SDK1: variants seen among roughly 807,000 people sequenced by gnomAD.
SDK1 encodes protein sidekick-1.
SDK1 carries 157 observed loss-of-function variants against 245.5 expected under a neutral mutation model. The ratio of observed to expected loss-of-function variants is 0.64; its 90% CI spans 0.56 to 0.73. The LOEUF (loss-of-function observed/expected upper bound fraction) is 0.73. SDK1 is among the 30% of genes least tolerant of loss of function. The pLI, the probability that SDK1 is intolerant of heterozygous loss-of-function variation, is 0.00. For missense variants in SDK1, 3,583 were observed against 3,002.3 expected, an observed-to-expected ratio of 1.19 and a Z score of -4.52; for synonymous variants, 1,647 against 1,278.5, an observed-to-expected ratio of 1.29 and a Z score of -6.15.
At chr7:3,606,681 A>G (rs1781435804) in intron 1 of SDK1, among the ~76,000 whole-genome samples, 1 of 152,170 alleles carries the variant, frequency 6.6e-6, no homozygotes, top group African/African-American at 2.4e-5. Context: ...TCTTACTCAG[A>G]TACCCCGTTC....
intron 1 of SDK1, among the ~76,000 whole-genome samples, chr7:3,536,182 A>C (rs985148677): frequency 3.3e-5 from 5 of 151,366 alleles, no homozygotes; most frequent in Admixed American, 3.3e-4. Flanking sequence ...TGAGCCTCCC[A>C]AGTAGCTGTG....
intron 25 of SDK1, among the ~76,000 whole-genome samples, chr7:4,126,579 G>A (rs754679198): frequency 5.9e-5 from 9 of 152,210 alleles, no homozygotes; most frequent in Non-Finnish European, 1.3e-4. Context: ...AAATCAGCCA[G>A]GCGTGGTGGC....
intron 1 of SDK1, among the ~76,000 whole-genome samples, chr7:3,306,553 T>C (rs567147571): frequency 1.6e-4 from 24 of 152,342 alleles, no homozygotes; most frequent in South Asian, 8.3e-4. Flanking sequence ...ACACATTTTA[T>C]GTAAACAGTT....
At chr7:3,597,597 T>C (rs1215019164) in intron 1 of SDK1, among the ~76,000 whole-genome samples, 2 of 152,168 alleles carry the variant, frequency 1.3e-5, no homozygotes, top group Non-Finnish European at 2.9e-5. Flanking sequence ...CCTGCTCTGT[T>C]TTGAGATTGA....
At chr7:4,237,505 G>T in intron 41 of SDK1, 142 bp from the exon 42 acceptor site, 1 of 900,040 alleles carries the variant, frequency 1.1e-6, no homozygotes. Flanking sequence ...AAGTCCACCC[G>T]CCCGGCTGGA....
chr7:3,842,854 A>T (rs957966663), intron 5 of SDK1, among the ~76,000 whole-genome samples: 127 of 152,116 alleles, frequency 8.3e-4, no homozygotes, highest in African/African-American at 2.8e-3. Flanking sequence ...CAGTGTCTCC[A>T]CAGAGTCAAG....
At chr7:4,019,046 G>T (rs530360205) in intron 17 of SDK1, among the ~76,000 whole-genome samples, 2 of 152,264 alleles carry the variant, frequency 1.3e-5, no homozygotes, top group Non-Finnish European at 2.9e-5. Context: ...AACGAATGCA[G>T]TTTCGGCCCC....
chr7:3,727,524 T>C (rs777676535), intron 4 of SDK1, among the ~76,000 whole-genome samples: 3 of 152,122 alleles, frequency 2.0e-5, no homozygotes, highest in Non-Finnish European at 4.4e-5. Flanking sequence ...GGAGCCTCGC[T>C]CTGTCACTCA....
intron 4 of SDK1, among the ~76,000 whole-genome samples, chr7:3,708,998 CTTTAT>C (rs894361356): frequency 6.6e-6 from 1 of 152,126 alleles, no homozygotes; most frequent in African/African-American, 2.4e-5. Flanking sequence ...TGCCTAGATA[CTTTAT>C]TTTATTTATT....
intron 35 of SDK1, among the ~76,000 whole-genome samples, chr7:4,194,554 C>G (rs913644578): frequency 1.3e-5 from 2 of 151,910 alleles, no homozygotes; most frequent in Admixed American, 6.6e-5. Context: ...TCTGCAAGCT[C>G]GAGGAGCAAG....
rs559175019 is a variant in SDK1, at chr7:3,795,479, T to C, written c.714-25971T>C. Among the ~76,000 whole-genome samples, 3 of 152,232 alleles carry C rather than the reference T, an allele frequency of 2.0e-5. No homozygotes were observed. In the South Asian group the frequency reaches 6.2e-4, roughly 32 times the overall value. On this transcript the variant is annotated intron_variant, in intron 4 of 44. Transcript: ENST00000404826. The stretch of plus-strand genomic sequence containing the variant: ...AAAGTGCGCTGAACTCCTTCAGAAA[T>C]GGGCTCTGAAAGGAATCTTAGTGAC...
At chr7:3,681,024 T>C in intron 4 of SDK1, among the ~76,000 whole-genome samples, 1 of 152,110 alleles carries the variant, frequency 6.6e-6, no homozygotes, top group East Asian at 1.9e-4. Flanking sequence ...GTGTATTTTT[T>C]AGTAGAGATG....
At chr7:4,079,609 C>T in intron 22 of SDK1, 25 bp downstream of exon 22, 2 of 1,613,444 alleles carry the variant, frequency 1.2e-6, no homozygotes, top group South Asian at 2.2e-5. Flanking sequence ...AGACTGGGAG[C>T]TGGCATTTGC....
At chr7:4,101,638 G>T (rs958262368) in intron 22 of SDK1, among the ~76,000 whole-genome samples, 1 of 152,186 alleles carries the variant, frequency 6.6e-6, no homozygotes, top group East Asian at 1.9e-4. Flanking sequence ...GGACGATGGT[G>T]TCGTGACCAG....
chr7:3,760,138 A>T (rs1275260288), intron 4 of SDK1, among the ~76,000 whole-genome samples: 2 of 151,996 alleles, frequency 1.3e-5, no homozygotes, highest in African/African-American at 4.8e-5. Flanking sequence ...AAATAAAGAG[A>T]TGTCTTTTTT....
chr7:4,011,786 G>A (rs1159025858), intron 15 of SDK1, among the ~76,000 whole-genome samples: 1 of 152,184 alleles, frequency 6.6e-6, no homozygotes, highest in Non-Finnish European at 1.5e-5. Context: ...GTCTGAGACG[G>A]CAGGCCGACG....
At chr7:3,629,611 A>G (rs1782229736) in intron 2 of SDK1, among the ~76,000 whole-genome samples, 2 of 152,224 alleles carry the variant, frequency 1.3e-5, no homozygotes, top group Admixed American at 6.5e-5. Context: ...TAGACCAAAT[A>G]CTGCTCTGGT....
intron 1 of SDK1, among the ~76,000 whole-genome samples, chr7:3,375,136 G>C (rs73050536): frequency 0.032 from 4,857 of 151,982 alleles, 141 homozygotes; most frequent in African/African-American, 0.06. Flanking sequence ...ACAGAGGCCA[G>C]TGTGGGCTCT....
At chr7:3,609,504 G>C (rs1396506696) in intron 1 of SDK1, among the ~76,000 whole-genome samples, 1 of 152,064 alleles carries the variant, frequency 6.6e-6, no homozygotes, top group Non-Finnish European at 1.5e-5. Flanking sequence ...GGTTTCAAAC[G>C]ATTCTCCTGC....
Sources: gnomAD v4.1 joint callset for allele counts (sites outside exome capture counted in the v4.1 genomes callset) on GRCh38, gnomAD v4.1.1 for gene constraint, MANE v1.5 for transcripts, NCBI Gene and HGNC (gene_info 2026-07-23, HGNC 2026-07-21) for gene names.